The following SEMA5B variants were observed in gnomAD, a reference collection of about 807,000 sequenced individuals.
SEMA5B encodes semaphorin-5B.
A neutral mutation model predicts 135.0 loss-of-function variants in SEMA5B; 66 were observed. The ratio of observed to expected loss-of-function variants is 0.49; its 90% CI spans 0.40 to 0.60. SEMA5B has a LOEUF of 0.60. SEMA5B is among the 20% of genes least tolerant of loss of function. SEMA5B has a pLI of 0.00. For synonymous variants in SEMA5B, 690 were observed against 639.5 expected, an observed-to-expected ratio of 1.08 and a Z score of -1.19; for missense variants, 1,501 against 1,566.3, an observed-to-expected ratio of 0.96 and a Z score of 0.70.
In SEMA5B at chr3:122,928,957, A is replaced by G. The variant is rs1319002869; in HGVS notation, c.537+39T>C. ...TCCCCACAACCACAGGCCTCCTTCC[A>G]GCTCCAGGTGGGGCCCCTGGACCGC... On this transcript the variant is annotated intron_variant, in intron 6 of 22. Coordinates refer to ENST00000357599, the MANE Select transcript of SEMA5B (RefSeq NM_001031702.4). The G allele has an allele frequency of 1.9e-6, 3 of 1,602,270 alleles. No homozygotes were observed. In the African/African-American group the frequency reaches 4.0e-5, roughly 21 times the overall value.
At chr3:122,987,044 G>C (rs915032961) in intron 1 of SEMA5B, among the ~76,000 whole-genome samples, 2 of 152,174 alleles carry the variant, frequency 1.3e-5, no homozygotes, top group Admixed American at 1.3e-4. Flanking sequence ...CCAGAGAAAG[G>C]CCAGGAAAGG....
rs544530158 is a variant in SEMA5B at position 122,926,257 on chromosome 3, T to C, written c.1136+135A>G. The C allele has an allele frequency of 8.7e-4, 724 of 836,922 alleles. 1 individual carries two copies. The highest frequency in any genetic ancestry group is 1.2e-3 in the Non-Finnish European group (661 of 539,800). 51.8% of individuals were successfully genotyped at this position (836,922 alleles called of 1,614,324 possible). A position where few individuals can be genotyped will look rare whatever the true frequency, so the allele number is the denominator to read the frequency against. On this transcript the variant is annotated intron_variant, in intron 9 of 22. Coordinates refer to ENST00000357599, the MANE Select transcript of SEMA5B (RefSeq NM_001031702.4). ...CACGAGCTTACCGCTCCAGAAGCAG[T>C]AAGTCACAAAATCCTCAGATGACCC... is the stretch of plus-strand genomic sequence containing the variant.
intron 1 of SEMA5B, among the ~76,000 whole-genome samples, chr3:123,002,245 T>C (rs1167422335): frequency 1.3e-5 from 2 of 152,170 alleles, no homozygotes; most frequent in East Asian, 3.9e-4. Context: ...GGATGGGGGA[T>C]GGAGGTGGAG....
At position 122,918,813 on chromosome 3, in the gene SEMA5B, A is replaced by T. The variant is rs534334342; in HGVS notation, c.1689-2923T>A. ...TAACTGCCTCCTTGGCTCAAGTGGA[A>T]CCACGTTTGCTGCTTTTGGCCAAAG... On this transcript the variant is annotated intron_variant, in intron 12 of 22. Transcript: ENST00000357599. 1.3e-3 allele frequency among the ~76,000 whole-genome samples: 196 copies of T among 152,298 alleles called. 1 individual carries two copies. The highest frequency in any genetic ancestry group is 4.6e-3 in the African/African-American group (192 of 41,566).
rs148493477 is a variant in SEMA5B at position 122,987,512 on chromosome 3, G to A, written c.-38-26211C>T. On this transcript the variant is annotated intron_variant, in intron 1 of 22. Coordinates refer to ENST00000357599, the MANE Select transcript of SEMA5B (RefSeq NM_001031702.4). ...GAATTAACTCAGCAATGGGCTAAAT[G>A]CCAGCAGCAGGAGAGAGATGTTTGG... 4.5e-3 allele frequency among the ~76,000 whole-genome samples: 681 copies of A among 152,322 alleles called. 1 individual carries two copies. Among genetic ancestry groups the A allele is most frequent in the Non-Finnish European group, 8.5e-3 (581 of 68,028 alleles).
chr3:122,998,111 C>T (rs1168482811), intron 1 of SEMA5B, among the ~76,000 whole-genome samples: 1 of 152,138 alleles, frequency 6.6e-6, no homozygotes, highest in Admixed American at 6.5e-5. Flanking sequence ...CAGGAGCCTC[C>T]CTTGGGGCCT....
chr3:122,910,203 C>T lies in SEMA5B; in HGVS notation c.3396G>A (p.Leu1132=), dbSNP rs752091056. 6 of 1,614,104 alleles carry T rather than the reference C, an allele frequency of 3.7e-6. No homozygotes were observed. The highest frequency in any genetic ancestry group is 1.6e-4 in the Middle Eastern group (1 of 6,084). ...VYTTTYYPSP[L]NKHSFRPEAS... The stretch of plus-strand genomic sequence containing the variant: ...CCTCGGGCCGGAAGCTGTGTTTGTT[C>T]AGGGGGCTTGGGTAGTAAGTAGTCG... The change falls in exon 23 of 23, where the codon CTG becomes CTA. Residue 1132 remains leucine, a synonymous_variant. Transcript: ENST00000357599.
chr3:122,922,568 C>T (rs149212464), intron 10 of SEMA5B, 121 bp from the exon 11 acceptor site: 9 of 880,290 alleles, frequency 1.0e-5, no homozygotes, highest in African/African-American at 5.0e-5. Context: ...TCCAGCACCC[C>T]CCACCCCTAG....
intron 12 of SEMA5B, among the ~76,000 whole-genome samples, 192 bp downstream of exon 12, chr3:122,921,723 T>C (rs1182333685): frequency 6.6e-6 from 1 of 152,218 alleles, no homozygotes; most frequent in East Asian, 1.9e-4. Flanking sequence ...ATTATCTCAA[T>C]TAACCCTCAC....
At chr3:122,992,588 G>A (rs1298749715) in intron 1 of SEMA5B, among the ~76,000 whole-genome samples, 1 of 152,102 alleles carries the variant, frequency 6.6e-6, no homozygotes, top group Non-Finnish European at 1.5e-5. Context: ...AATACCTGCA[G>A]CCCCAGCTCC....
intron 17 of SEMA5B, 36 bp from the exon 18 acceptor site, chr3:122,913,097 G>T (rs1403615128): frequency 7.0e-7 from 1 of 1,419,260 alleles, no homozygotes; most frequent in East Asian, 2.8e-5. Context: ...CTGGGCGCCC[G>T]GCCACCCCGA....
chr3:122,976,812 G>A (rs1484651049), intron 1 of SEMA5B, among the ~76,000 whole-genome samples: 1 of 152,194 alleles, frequency 6.6e-6, no homozygotes, highest in Non-Finnish European at 1.5e-5. Context: ...CACTTTGGAA[G>A]GCCAAGGCGG....
At chr3:122,953,335 T>A (rs1940140625) in intron 2 of SEMA5B, among the ~76,000 whole-genome samples, 1 of 152,130 alleles carries the variant, frequency 6.6e-6, no homozygotes, top group African/African-American at 2.4e-5. Flanking sequence ...GATCCTGAGC[T>A]CCAGGGGCCC....
intron 5 of SEMA5B, among the ~76,000 whole-genome samples, chr3:122,932,091 C>T (rs1200593856): frequency 2.0e-5 from 3 of 152,076 alleles, no homozygotes; most frequent in African/African-American, 4.8e-5. Flanking sequence ...ATGAAATATT[C>T]GTATTCTGAT....
In SEMA5B at chr3:122,961,311, GA is replaced by G. The variant is rs1287136455; in HGVS notation, c.-38-11del. 5.6e-6 allele frequency: 9 copies of G among 1,612,052 alleles called. No homozygotes were observed. The highest frequency in any genetic ancestry group is 4.5e-5 in the East Asian group (2 of 44,870). ...CAGCTGGAACCACTCACTGAAGGGG[GA>G]GAATTTTGGGTAAGTCATGGATACA... On this transcript the variant is annotated splice_polypyrimidine_tract_variant and intron_variant, in intron 1 of 22. Transcript: ENST00000357599.
intron 8 of SEMA5B, 99 bp downstream of exon 8, chr3:122,927,691 G>T: frequency 1.2e-6 from 1 of 868,778 alleles, no homozygotes; most frequent in Non-Finnish European, 1.6e-6. Context: ...GGGAGCACTT[G>T]CAGAGGTTGG....
intron 3 of SEMA5B, among the ~76,000 whole-genome samples, chr3:122,947,409 T>C (rs1039399983): frequency 1.3e-5 from 2 of 152,068 alleles, no homozygotes; most frequent in African/African-American, 4.8e-5. Context: ...CTCTCATTCA[T>C]ACTGCCTCTC....
intron 1 of SEMA5B, among the ~76,000 whole-genome samples, chr3:122,983,504 A>G (rs1038774284): frequency 2.0e-5 from 3 of 151,918 alleles, no homozygotes; most frequent in African/African-American, 7.3e-5. Flanking sequence ...GAGAAAGCCA[A>G]GCTACTTTTG....
At chr3:122,943,376 T>C in intron 4 of SEMA5B, 60 bp downstream of exon 4, 1 of 1,209,078 alleles carries the variant, frequency 8.3e-7, no homozygotes, top group East Asian at 2.5e-5. Context: ...TGAATAATAT[T>C]CCCTCTACCC....
Sources: gnomAD v4.1 joint callset for allele counts (sites outside exome capture counted in the v4.1 genomes callset) on GRCh38, gnomAD v4.1.1 for gene constraint, MANE v1.5 for transcripts, NCBI Gene and HGNC (gene_info 2026-07-23, HGNC 2026-07-21) for gene names.